Variants in MAGI3 observed in about 807,000 individuals in gnomAD.
The protein encoded by MAGI3 is membrane associated guanylate kinase, WW and PDZ domain containing 3, also known as membrane-associated guanylate kinase, WW and PDZ domain-containing protein 3.
Under a neutral mutation model 121.8 loss-of-function variants are expected in MAGI3, and 43 were observed. The ratio of observed to expected loss-of-function variants is 0.35; its 90% confidence interval spans 0.28 to 0.46. MAGI3 has a LOEUF of 0.46. Among genes scored for constraint, MAGI3 ranks in the 20% least tolerant of loss-of-function variants. The probability of loss-of-function intolerance (pLI) is 1.00; values close to 1 mark genes in which losing one functional copy is unlikely to be tolerated. For missense variants in MAGI3, 1,547 were observed against 1,797.3 expected (o/e 0.86, Z 2.52); for synonymous variants, 553 against 639.3 (o/e 0.86, Z 2.04).
intron 1 of MAGI3, among the ~76,000 whole-genome samples, chr1:113,531,555 A>T (rs945007139): frequency 1.3e-5 from 2 of 152,020 alleles, no homozygotes; most frequent in African/African-American, 4.8e-5. Flanking sequence ...GTGAGAAATC[A>T]TATTGTTTTA....
chr1:113,621,892 A>G (rs1185192272), intron 8 of MAGI3, among the ~76,000 whole-genome samples: 1 of 152,122 alleles, frequency 6.6e-6, no homozygotes, highest in Non-Finnish European at 1.5e-5. Flanking sequence ...AAATGCCTAT[A>G]TTGGGCACAT....
chr1:113,682,333 T>C, intron 20 of MAGI3: 1 of 1,565,946 alleles, frequency 6.4e-7, no homozygotes, highest in Non-Finnish European at 8.6e-7. Flanking sequence ...AATCACTTTC[T>C]TCTTTTGTTT....
intron 1 of MAGI3, among the ~76,000 whole-genome samples, chr1:113,456,543 A>C (rs900430295): frequency 6.6e-6 from 1 of 152,242 alleles, no homozygotes; most frequent in Non-Finnish European, 1.5e-5. Context: ...AAATTCTAGC[A>C]AATCAGATTC....
At chr1:113,550,637 T>G (rs1051809360) in intron 2 of MAGI3, among the ~76,000 whole-genome samples, 2 of 151,196 alleles carry the variant, frequency 1.3e-5, no homozygotes, top group African/African-American at 2.4e-5. Context: ...GCGCCTGTAA[T>G]CTCAGCTACT....
rs747448019 is a variant in MAGI3, at chr1:113,642,238, G to A, written c.1688G>A (p.Arg563Lys). 10 of 1,614,026 alleles carry A rather than the reference G, an allele frequency of 6.2e-6. No individual in the cohort carries two copies. In the Admixed American group the frequency reaches 1.0e-4, roughly 16 times the overall value. ...GGACCATCAGATGCAAGTGAGCAGA[G>A]AGTATCCATGGCATCGTCAGGCAGC... ...LNGPSDASEQRVSMASSGSSQ... is the reference protein window; with the variant it reads ...LNGPSDASEQKVSMASSGSSQ... The change falls in exon 10 of 21, where the codon AGA becomes AAA. Residue 563 changes from arginine (R) to lysine (K), a missense_variant. By Grantham distance (26) the Arg-to-Lys change is conservative. Coordinates refer to ENST00000307546, the MANE Select transcript of MAGI3 (RefSeq NM_001142782.2).
intron 1 of MAGI3, among the ~76,000 whole-genome samples, chr1:113,492,075 C>T (rs1040628733): frequency 1.6e-4 from 25 of 152,070 alleles, no homozygotes; most frequent in African/African-American, 5.8e-4. Flanking sequence ...AAAAAGAAAA[C>T]TTTAGGCCAA....
chr1:113,514,060 C>G (rs1657758935), intron 1 of MAGI3, among the ~76,000 whole-genome samples: 1 of 151,980 alleles, frequency 6.6e-6, no homozygotes, highest in African/African-American at 2.4e-5. Flanking sequence ...AAATGCAAAT[C>G]AAAACCACAA....
At chr1:113,637,327 A>G (rs1307863467) in intron 9 of MAGI3, among the ~76,000 whole-genome samples, 1 of 152,140 alleles carries the variant, frequency 6.6e-6, no homozygotes, top group African/African-American at 2.4e-5. Flanking sequence ...CCTAGCCTCG[A>G]TGGTCTTTAC....
chr1:113,662,415 G>A (rs1258583215), intron 16 of MAGI3, among the ~76,000 whole-genome samples: 1 of 151,998 alleles, frequency 6.6e-6, no homozygotes, highest in Non-Finnish European at 1.5e-5. Context: ...ACTATATCTG[G>A]TAGTTCCTGC....
intron 14 of MAGI3, among the ~76,000 whole-genome samples, chr1:113,651,710 C>T (rs1653178396): frequency 6.6e-6 from 1 of 152,108 alleles, no homozygotes; most frequent in Admixed American, 6.5e-5. Flanking sequence ...AGGCTGGTCT[C>T]GAACTCTTGA....
chr1:113,454,059 A>T (rs1654625322), intron 1 of MAGI3, among the ~76,000 whole-genome samples: 1 of 152,236 alleles, frequency 6.6e-6, no homozygotes, highest in African/African-American at 2.4e-5. Flanking sequence ...TCTCTAGAAG[A>T]GTTACCAAAA....
At chr1:113,476,683 A>G (rs1197510453) in intron 1 of MAGI3, among the ~76,000 whole-genome samples, 1 of 152,218 alleles carries the variant, frequency 6.6e-6, no homozygotes, top group East Asian at 1.9e-4. Context: ...TGGTGCTAAC[A>G]AGAATGTATA....
chr1:113,451,789 A>T (rs571652000), intron 1 of MAGI3, among the ~76,000 whole-genome samples: 57 of 152,304 alleles, frequency 3.7e-4, no homozygotes, highest in African/African-American at 1.4e-3. Context: ...ATTTTTGTAC[A>T]TGTTTTCTAG....
chr1:113,453,514 A>ATT, intron 1 of MAGI3, among the ~76,000 whole-genome samples: 1 of 152,244 alleles, frequency 6.6e-6, no homozygotes, highest in Admixed American at 6.5e-5. Context: ...ATTAAATATT[A>ATT]AATTGCATAA....
chr1:113,437,986 A>T (rs569102844), intron 1 of MAGI3, among the ~76,000 whole-genome samples: 4 of 145,994 alleles, frequency 2.7e-5, no homozygotes, highest in Non-Finnish European at 1.5e-5. Flanking sequence ...AGAGACAGGG[A>T]TCTCTCTATG....
rs1652759418 is a variant in MAGI3, at chr1:113,422,137, C to T, written c.316+30788C>T. 6.6e-6 allele frequency among the ~76,000 whole-genome samples: 1 copy of T among 152,166 alleles called. No homozygotes were observed. The highest frequency in any genetic ancestry group is 1.5e-5 in the Non-Finnish European group (1 of 68,032). ...TTAATTGGAACTTTTATTGAGCTAA[C>T]TAAATTCACATGTAGTTATAAGAAA... On this transcript the variant is annotated intron_variant, in intron 1 of 20. Transcript: ENST00000307546. This position sits in a 1 kb window ranked among gnomAD's most constrained non-coding sequence, Gnocchi z 4.3.
intron 1 of MAGI3, among the ~76,000 whole-genome samples, chr1:113,415,397 C>G (rs1652245505): frequency 6.6e-6 from 1 of 151,980 alleles, no homozygotes; most frequent in South Asian, 2.1e-4. Flanking sequence ...ACATCTAACA[C>G]TAATTGGCTA....
At chr1:113,668,492 A>G (rs1027448315) in intron 16 of MAGI3, among the ~76,000 whole-genome samples, 1 of 152,318 alleles carries the variant, frequency 6.6e-6, no homozygotes, top group Non-Finnish European at 1.5e-5. Flanking sequence ...TTGAAGGACT[A>G]AAAATGAAAA....
intron 9 of MAGI3, among the ~76,000 whole-genome samples, chr1:113,631,178 G>C (rs1217210): frequency 0.75 from 114,102 of 152,090 alleles, 43,555 homozygotes; most frequent in African/African-American, 0.85. Context: ...CTCACCACCA[G>C]TGCAGGGAGG....
Sources: allele counts gnomAD v4.1 joint callset (sites outside exome capture counted in the v4.1 genomes callset), GRCh38; gene constraint gnomAD v4.1.1; non-coding constraint Gnocchi (gnomAD v3.1); transcripts MANE v1.5; gene names NCBI Gene and HGNC (gene_info 2026-07-23, HGNC 2026-07-21).